The following LHPP variants were observed in gnomAD, a reference collection of about 807,000 sequenced individuals.
LHPP encodes hLHPP.
Under a neutral mutation model 30.3 loss-of-function variants are expected in LHPP, and 24 were observed. The ratio of observed to expected loss-of-function variants is 0.79; its 90% confidence interval spans 0.57 to 1.11. LHPP has a LOEUF of 1.11. LHPP is among the 50% of genes most tolerant of loss of function. The pLI, the probability that LHPP is intolerant of heterozygous loss-of-function variation, is 0.00. For synonymous variants in LHPP, 150 were observed against 157.1 expected (o/e 0.95, Z 0.34); for missense variants, 356 against 367.2 (o/e 0.97, Z 0.25).
intron 6 of LHPP, among the ~76,000 whole-genome samples, chr10:124,612,176 G>A (rs1176932827): frequency 1.3e-5 from 2 of 152,182 alleles, no homozygotes; most frequent in Non-Finnish European, 1.5e-5. Context: ...GGCTAAGGCG[G>A]GCAAATCACT....
intron 6 of LHPP, among the ~76,000 whole-genome samples, chr10:124,608,621 G>A (rs1307992066): frequency 6.6e-6 from 1 of 152,220 alleles, no homozygotes; most frequent in Admixed American, 6.5e-5. Context: ...AGGCAGAGAG[G>A]TGTTTTGCCA....
rs1045311639 is a variant in LHPP at position 124,523,195 on chromosome 10, G to A, written c.716+5924G>A. On this transcript the variant is annotated intron_variant, in intron 6 of 6. Coordinates refer to ENST00000368842, the MANE Select transcript of LHPP (RefSeq NM_022126.4). This position sits in a 1 kb window ranked among gnomAD's most constrained non-coding sequence, Gnocchi z 4.2. ...GGCAGATGTTTTATAAGCCCCGAAC[G>A]TTCTTGACAAACAGTTTGCCCTTCG... 1.3e-5 allele frequency among the ~76,000 whole-genome samples: 2 copies of A among 152,238 alleles called. No individual in the cohort carries two copies. Among genetic ancestry groups the A allele is most frequent in the East Asian group, 1.9e-4 (1 of 5,200 alleles).
rs1484952016 is a variant in LHPP, at chr10:124,492,271, ATTT to A, written c.467+3701_467+3703del. Among the ~76,000 whole-genome samples, 4 of 30,906 alleles carry A rather than the reference ATTT, an allele frequency of 1.3e-4. No homozygotes were observed. The African/African-American group carries it at 1.5e-3, about 12-fold the overall frequency. The allele number at this position is 30,906 out of a possible 152,430, so 20.3% of individuals were successfully genotyped here. On this transcript the variant is annotated intron_variant, in intron 3 of 6. Transcript: ENST00000368842. ...GAAAGATGTTTCAAGAAATGAAAAGATTTTTTTAGTGACAAAAAATTTCTAGTA... is the reference window on the plus strand; with the variant it reads ...GAAAGATGTTTCAAGAAATGAAAAGATTTTAGTGACAAAAAATTTCTAGTA...
At position 124,542,950 on chromosome 10, in the gene LHPP, C is replaced by G. The variant is rs532693271; in HGVS notation, c.716+25679C>G. Among the ~76,000 whole-genome samples the G allele has an allele frequency of 4.0e-3, 606 of 152,300 alleles. 5 individuals are homozygous for G. Among genetic ancestry groups the G allele is most frequent in the African/African-American group, 0.013 (526 of 41,562 alleles). ...GGTCCCTGCCTGCCCATGGCTCTTG[C>G]CACAGTGGGGATGCAGCAGCTCTGG... is the stretch of plus-strand genomic sequence containing the variant. On this transcript the variant is annotated intron_variant, in intron 6 of 6. Coordinates refer to ENST00000368842, the MANE Select transcript of LHPP (RefSeq NM_022126.4).
Position 124,613,262 on chromosome 10 carries a change from A to T in LHPP, c.717-2A>T, listed in dbSNP as rs1407350095. The T allele has an allele frequency of 6.2e-7, 1 of 1,612,266 alleles. No individual in the cohort carries two copies. Among genetic ancestry groups the T allele is most frequent in the South Asian group, 1.1e-5 (1 of 91,068 alleles). On this transcript the variant is annotated splice_acceptor_variant, in intron 6 of 6. Transcript: ENST00000368842. LOFTEE classifies it high-confidence loss of function. ...TGACTAACCTCCGGCCATCCTCTCC[A>T]GGCCCAGTGACGAGCACCATCCGGA...
intron 6 of LHPP, among the ~76,000 whole-genome samples, chr10:124,545,635 C>G (rs567471473): frequency 6.7e-6 from 1 of 149,896 alleles, no homozygotes; most frequent in South Asian, 2.1e-4. Context: ...AAAGGCCCAG[C>G]GGGTGTGTCA....
At chr10:124,494,494 A>T (rs1253652668) in intron 3 of LHPP, among the ~76,000 whole-genome samples, 1 of 151,904 alleles carries the variant, frequency 6.6e-6, no homozygotes, top group Non-Finnish European at 1.5e-5. Context: ...TCCACACATC[A>T]CTTCATTAGG....
chr10:124,574,131 C>T (rs7086626), intron 6 of LHPP, among the ~76,000 whole-genome samples: 65,460 of 151,876 alleles, frequency 0.43, 14,449 homozygotes, highest in Middle Eastern at 0.52. Context: ...GTGTCATCTG[C>T]GTGCACATGT....
intron 6 of LHPP, among the ~76,000 whole-genome samples, chr10:124,567,622 G>T (rs1477554183): frequency 6.6e-6 from 1 of 152,254 alleles, no homozygotes; most frequent in African/African-American, 2.4e-5. Flanking sequence ...GGGCGGCACT[G>T]CTGGTCAGCA....
At chr10:124,583,319 G>T (rs1948764691) in intron 6 of LHPP, among the ~76,000 whole-genome samples, 1 of 152,106 alleles carries the variant, frequency 6.6e-6, no homozygotes, top group Non-Finnish European at 1.5e-5. Flanking sequence ...ATTCACTTTT[G>T]CATATGGTGT....
chr10:124,492,391 T>C (rs145617257), intron 3 of LHPP, among the ~76,000 whole-genome samples: 1 of 152,198 alleles, frequency 6.6e-6, no homozygotes, highest in African/African-American at 2.4e-5. Flanking sequence ...AGAGAGATTG[T>C]GGAGGCTTGG....
intron 6 of LHPP, among the ~76,000 whole-genome samples, chr10:124,534,312 C>G (rs111365712): frequency 6.6e-6 from 1 of 152,250 alleles, no homozygotes; most frequent in Admixed American, 6.5e-5. Flanking sequence ...CTTTCTCTAC[C>G]GCAGCAGGGC....
intron 6 of LHPP, among the ~76,000 whole-genome samples, chr10:124,611,524 G>A (rs1014266760): frequency 2.7e-5 from 4 of 150,064 alleles, no homozygotes; most frequent in Admixed American, 1.3e-4. Context: ...GGGGCTTAGG[G>A]GACAAGGGGT....
chr10:124,561,528 C>T (rs1948394666), intron 6 of LHPP, among the ~76,000 whole-genome samples: 1 of 150,060 alleles, frequency 6.7e-6, no homozygotes, highest in Non-Finnish European at 1.5e-5. Flanking sequence ...AGGCTATCCG[C>T]CCCCCCCACA....
chr10:124,565,095 T>C (rs759203851), intron 6 of LHPP, among the ~76,000 whole-genome samples: 4 of 152,128 alleles, frequency 2.6e-5, no homozygotes, highest in Non-Finnish European at 5.9e-5. Flanking sequence ...GCTCTGATGT[T>C]TGCAAACACG....
At chr10:124,555,587 G>A (rs1948284059) in intron 6 of LHPP, among the ~76,000 whole-genome samples, 1 of 152,110 alleles carries the variant, frequency 6.6e-6, no homozygotes, top group African/African-American at 2.4e-5. Flanking sequence ...CTCTGCAGAG[G>A]GCACCTGTAG....
At chr10:124,608,444 G>A (rs560874587) in intron 6 of LHPP, among the ~76,000 whole-genome samples, 2 of 152,358 alleles carry the variant, frequency 1.3e-5, no homozygotes, top group Admixed American at 1.3e-4. Context: ...TCCTTGCCAC[G>A]AATATTGGCT....
At chr10:124,574,475 G>C (rs1371366803) in intron 6 of LHPP, among the ~76,000 whole-genome samples, 1 of 152,226 alleles carries the variant, frequency 6.6e-6, no homozygotes, top group Non-Finnish European at 1.5e-5. Context: ...TTGATCTGCG[G>C]GAGGTGTTGT....
intron 6 of LHPP, among the ~76,000 whole-genome samples, chr10:124,605,932 T>C (rs10901783): frequency 0.19 from 28,700 of 151,804 alleles, 3,069 homozygotes; most frequent in East Asian, 0.27. Flanking sequence ...TTCCGGTGGT[T>C]AAGGCCAGCC....
Sources: allele counts gnomAD v4.1 joint callset (sites outside exome capture counted in the v4.1 genomes callset), GRCh38; gene constraint gnomAD v4.1.1; non-coding constraint Gnocchi (gnomAD v3.1); transcripts MANE v1.5; gene names NCBI Gene and HGNC (gene_info 2026-07-23, HGNC 2026-07-21).